GLS: variants seen among roughly 807,000 people sequenced by gnomAD.
The protein encoded by GLS is glutaminase, also known as glutaminase kidney isoform, mitochondrial.
Under a neutral mutation model 86.7 loss-of-function variants are expected in GLS, and 36 were observed. That is an observed-to-expected ratio of 0.42 (90% CI 0.32 to 0.55). The LOEUF is 0.55. Among genes scored for constraint, GLS ranks in the 20% least tolerant of loss-of-function variants. GLS has a pLI of 0.17. For synonymous variants in GLS, 317 were observed against 305.9 expected (o/e 1.04, Z -0.38); for missense variants, 528 against 833.4 (o/e 0.63, Z 4.51).
At position 190,952,605 on chromosome 2, in the gene GLS, G is replaced by A. The variant is rs1487505361; in HGVS notation, c.1651-960G>A. On this transcript the variant is annotated intron_variant, in intron 14 of 17. Transcript: ENST00000320717. ...AGAATGTCCGGGTTAAGATCTTGAAGCACAGTTCCAGGCTGTGGCTTTGTT... is the reference window on the plus strand; with the variant it reads ...AGAATGTCCGGGTTAAGATCTTGAAACACAGTTCCAGGCTGTGGCTTTGTT... 2.1e-4 allele frequency among the ~76,000 whole-genome samples: 32 copies of A among 152,222 alleles called. 1 individual carries two copies. The highest frequency in any genetic ancestry group is 2.1e-3 in the Admixed American group (32 of 15,272).
rs552115966 is a variant in GLS at position 190,891,130 on chromosome 2, T to A, written c.387-4022T>A. Reference sequence around the variant, plus strand: ...TGCCTTGTTGCTCCTAATTACAGATTAGAAACTTTCTTGATTTCCCCTACC... The same window carrying A: ...TGCCTTGTTGCTCCTAATTACAGATAAGAAACTTTCTTGATTTCCCCTACC... On this transcript the variant is annotated intron_variant, in intron 1 of 17. Coordinates refer to ENST00000320717, the MANE Select transcript of GLS (RefSeq NM_014905.5). 1.6e-4 allele frequency among the ~76,000 whole-genome samples: 24 copies of A among 152,264 alleles called. No individual in the cohort carries two copies. In the Middle Eastern group the frequency reaches 0.014, roughly 86 times the overall value.
intron 1 of GLS, among the ~76,000 whole-genome samples, chr2:190,891,365 A>G (rs1298861985): frequency 6.6e-6 from 1 of 152,108 alleles, no homozygotes; most frequent in Non-Finnish European, 1.5e-5. Flanking sequence ...GCTAAAGAGT[A>G]TAGAGAATCT....
rs769525810 is a variant in GLS, at chr2:190,902,029, A to G, written c.815+3A>G. On this transcript the variant is annotated splice_donor_region_variant and intron_variant, in intron 5 of 17. Transcript: ENST00000320717. ...GTTTGTACAGTAGATGGACAGAGGT[A>G]AGTTTATTTCAAATTCATGAAAACC... is the stretch of plus-strand genomic sequence containing the variant. 12 of 1,585,872 alleles carry G rather than the reference A, an allele frequency of 7.6e-6. No homozygotes were observed. The South Asian group carries it at 7.7e-5, about 10-fold the overall frequency.
At chr2:190,888,146 A>G (rs1212478304) in intron 1 of GLS, among the ~76,000 whole-genome samples, 1 of 152,182 alleles carries the variant, frequency 6.6e-6, no homozygotes, top group Non-Finnish European at 1.5e-5. Context: ...CACATCTGTT[A>G]AGTTTTGAAC....
At chr2:190,933,852 G>C in intron 14 of GLS, 1 of 814,224 alleles carries the variant, frequency 1.2e-6, no homozygotes. Flanking sequence ...TAGAGTACTT[G>C]AGAAATGAAT....
At chr2:190,899,178 T>C (rs1688856098) in intron 3 of GLS, among the ~76,000 whole-genome samples, 1 of 152,190 alleles carries the variant, frequency 6.6e-6, no homozygotes, top group East Asian at 1.9e-4. Context: ...TAGAAGCTAT[T>C]TGAAACATTA....
In GLS at chr2:190,965,038, G is replaced by A. The variant is rs1272104884; in HGVS notation, c.*2052G>A. ...CCCCTGATGTTATTTATGACTATGT[G>A]CCGATTCCTGCTCGGGCTGTTTGCT... On this transcript the variant is annotated 3_prime_UTR_variant, in exon 18 of 18. Transcript: ENST00000320717. This position sits in a 1 kb window ranked among gnomAD's most constrained non-coding sequence, Gnocchi z 5.0. The A allele has an allele frequency of 6.6e-6, 1 of 151,996 alleles. No homozygotes were observed. The highest frequency in any genetic ancestry group is 2.4e-5 in the African/African-American group (1 of 41,386). 9.4% of individuals were successfully genotyped at this position (151,996 alleles called of 1,614,324 possible).
chr2:190,952,608 C>G (rs1214149851), intron 14 of GLS, among the ~76,000 whole-genome samples: 1 of 152,200 alleles, frequency 6.6e-6, no homozygotes, highest in African/African-American at 2.4e-5. Context: ...TCTTGAAGCA[C>G]AGTTCCAGGC....
rs947644404 is a variant in GLS, at chr2:190,881,034, C to T, written c.-51C>T. ...GCGTTCCCCGAGGAAACCGGCCGCC[C>T]ACGCCCGGAGCATCCTCCCCTGTTG... On this transcript the variant is annotated 5_prime_UTR_variant, in exon 1 of 18. Coordinates refer to ENST00000320717, the MANE Select transcript of GLS (RefSeq NM_014905.5). The T allele has an allele frequency of 4.5e-5, 69 of 1,520,696 alleles. No homozygotes were observed. The highest frequency in any genetic ancestry group is 5.6e-5 in the Non-Finnish European group (64 of 1,137,922). The allele number at this position is 1,520,696 out of a possible 1,614,324, so 94.2% of individuals were successfully genotyped here.
chr2:190,952,558 G>C (rs1166186515), intron 14 of GLS, among the ~76,000 whole-genome samples: 2 of 152,170 alleles, frequency 1.3e-5, no homozygotes, highest in Non-Finnish European at 2.9e-5. Context: ...GTTTTGGAAG[G>C]GGGAAGCCAT....
At chr2:190,918,132 A>T (rs1325279685) in intron 7 of GLS, among the ~76,000 whole-genome samples, 1 of 152,170 alleles carries the variant, frequency 6.6e-6, no homozygotes, top group African/African-American at 2.4e-5. Context: ...CTTAGCCCCT[A>T]ACAGGTCAGG....
intron 1 of GLS, among the ~76,000 whole-genome samples, chr2:190,882,661 A>G (rs1410699022): frequency 3.9e-5 from 6 of 152,190 alleles, no homozygotes; most frequent in African/African-American, 1.4e-4. Flanking sequence ...AAACTTTTCT[A>G]AAGTTCTTCT....
At chr2:190,940,062 T>C (rs1690381164) in intron 14 of GLS, among the ~76,000 whole-genome samples, 1 of 151,922 alleles carries the variant, frequency 6.6e-6, no homozygotes, top group African/African-American at 2.4e-5. Flanking sequence ...ACATTTGCCA[T>C]TGTAGTTTAA....
chr2:190,902,737 T>C (rs1558972534), intron 5 of GLS, among the ~76,000 whole-genome samples: 2 of 152,208 alleles, frequency 1.3e-5, no homozygotes, highest in African/African-American at 2.4e-5. Context: ...AAGATTGTTA[T>C]CATCTTATAA....
chr2:190,921,715 T>C lies in GLS; in HGVS notation c.1130+512T>C, dbSNP rs1482030763. ...ATTTCAAATTAAGTTGCAGGCATCA[T>C]ACTTCACCCTTAGATAAGAAAGCAC... On this transcript the variant is annotated intron_variant, in intron 9 of 17. Coordinates refer to ENST00000320717, the MANE Select transcript of GLS (RefSeq NM_014905.5). This position sits in a 1 kb window ranked among gnomAD's most constrained non-coding sequence, Gnocchi z 4.2. 1.3e-5 allele frequency among the ~76,000 whole-genome samples: 2 copies of C among 151,958 alleles called. No individual in the cohort carries two copies. The highest frequency in any genetic ancestry group is 2.4e-5 in the African/African-American group (1 of 41,424).
intron 17 of GLS, among the ~76,000 whole-genome samples, chr2:190,960,101 A>G (rs929778496): frequency 1.3e-5 from 2 of 150,426 alleles, no homozygotes; most frequent in Admixed American, 6.6e-5. Context: ...GTGGTCAGGG[A>G]AGGGATAAGA....
chr2:190,927,133 G>T, intron 11 of GLS, 173 bp from the exon 12 acceptor site: 1 of 548,684 alleles, frequency 1.8e-6, no homozygotes, highest in Non-Finnish European at 3.1e-6. Context: ...TCTTAAAAGT[G>T]GGTAGGACTT....
At chr2:190,894,750 A>C (rs1232269869) in intron 1 of GLS, among the ~76,000 whole-genome samples, 1 of 152,214 alleles carries the variant, frequency 6.6e-6, no homozygotes, top group East Asian at 1.9e-4. Flanking sequence ...ATGTAAATAT[A>C]GTCATCATAT....
intron 14 of GLS, among the ~76,000 whole-genome samples, chr2:190,940,860 G>A (rs1282059112): frequency 6.6e-6 from 1 of 151,322 alleles, no homozygotes; most frequent in Admixed American, 6.6e-5. Context: ...AAATGAAAAT[G>A]TATAACCTTT....
Sources: allele counts gnomAD v4.1 joint callset (sites outside exome capture counted in the v4.1 genomes callset), GRCh38; gene constraint gnomAD v4.1.1; non-coding constraint Gnocchi (gnomAD v3.1); transcripts MANE v1.5; gene names NCBI Gene and HGNC (gene_info 2026-07-23, HGNC 2026-07-21).